UTRN: variants seen among roughly 807,000 people sequenced by gnomAD.
UTRN encodes dystrophin-related protein 1.
Under a neutral mutation model 463.9 loss-of-function variants are expected in UTRN, and 283 were observed. That is an observed-to-expected ratio of 0.61 (90% CI 0.55 to 0.67). The LOEUF (loss-of-function observed/expected upper bound fraction) is 0.67. UTRN is among the 30% of genes least tolerant of loss of function. The pLI, the probability that UTRN is intolerant of heterozygous loss-of-function variation, is 0.00. For synonymous variants in UTRN, 1,442 were observed against 1,431.5 expected (o/e 1.01, Z -0.17); for missense variants, 3,922 against 4,084.3 (o/e 0.96, Z 1.08).
intron 41 of UTRN, among the ~76,000 whole-genome samples, 187 bp from the exon 42 acceptor site, chr6:144,530,865 A>T (rs1003500502): frequency 6.6e-6 from 1 of 152,126 alleles, no homozygotes. Flanking sequence ...TATGATGCAT[A>T]TATCTCTAGG....
chr6:144,502,700 A>C (rs1352760521), intron 34 of UTRN, among the ~76,000 whole-genome samples: 1 of 152,184 alleles, frequency 6.6e-6, no homozygotes, highest in Non-Finnish European at 1.5e-5. Flanking sequence ...GCTATTGTGA[A>C]TAGTGCTGCA....
intron 53 of UTRN, among the ~76,000 whole-genome samples, chr6:144,704,514 A>G (rs1289693873): frequency 6.6e-6 from 1 of 152,184 alleles, no homozygotes; most frequent in African/African-American, 2.4e-5. Context: ...TGGGGTAAGC[A>G]TTCTTTGTAG....
intron 3 of UTRN, among the ~76,000 whole-genome samples, chr6:144,416,191 C>T (rs1461398119): frequency 6.6e-6 from 1 of 152,110 alleles, no homozygotes; most frequent in Admixed American, 6.6e-5. Context: ...AGAAATTGCT[C>T]ATCGGTCACC....
intron 25 of UTRN, among the ~76,000 whole-genome samples, chr6:144,478,700 A>C (rs1310130564): frequency 1.3e-5 from 2 of 152,128 alleles, no homozygotes; most frequent in African/African-American, 2.4e-5. Context: ...GTTACTATCC[A>C]CCTAGCAGCC....
chr6:144,524,366 A>AC (rs1306703344), intron 41 of UTRN, among the ~76,000 whole-genome samples: 1 of 151,916 alleles, frequency 6.6e-6, no homozygotes, highest in African/African-American at 2.4e-5. Flanking sequence ...TGGTTACTAT[A>AC]CCCCTGCCAA....
In UTRN at chr6:144,805,915, G is replaced by A. The variant is rs138824886; in HGVS notation, c.9357+2768G>A. 3.4e-4 allele frequency among the ~76,000 whole-genome samples: 52 copies of A among 152,174 alleles called. No individual in the cohort carries two copies. The East Asian group carries it at 9.5e-3, about 28-fold the overall frequency. On this transcript the variant is annotated intron_variant, in intron 65 of 74. Coordinates refer to ENST00000367545, the MANE Select transcript of UTRN (RefSeq NM_007124.3). ...GTAGGAGATGGAATTAAAAAGAAAGGCAACTATCAGATTGTATAGAACCCT... is the reference window on the plus strand; with the variant it reads ...GTAGGAGATGGAATTAAAAAGAAAGACAACTATCAGATTGTATAGAACCCT...
chr6:144,510,853 T>C (rs1394406716), intron 34 of UTRN, 91 bp from the exon 35 acceptor site: 7 of 1,157,850 alleles, frequency 6.0e-6, no homozygotes, highest in Middle Eastern at 3.1e-4. Flanking sequence ...ACTTTGTATA[T>C]GTGGCAGAAA....
rs1480057227 is a variant in UTRN, at chr6:144,473,788, C to G, written c.3135C>G (p.Ala1045=). ...VKDFLMKQQA[A]QGDDAGLQRQ... ...ACTTCTTAATGAAACAGCAGGCTGC[C>G]CAAGGAGACGACGCAGGTCTACAGA... Residue 1045 remains alanine, a synonymous_variant, in exon 24 of 75, where the codon GCC becomes GCG. Coordinates refer to ENST00000367545, the MANE Select transcript of UTRN (RefSeq NM_007124.3). The G allele has an allele frequency of 1.2e-6, 2 of 1,614,072 alleles. No individual in the cohort carries two copies. The highest frequency in any genetic ancestry group is 1.1e-5 in the South Asian group (1 of 91,066).
chr6:144,728,880 T>C (rs1044920978), intron 53 of UTRN, among the ~76,000 whole-genome samples: 1 of 152,202 alleles, frequency 6.6e-6, no homozygotes, highest in African/African-American at 2.4e-5. Flanking sequence ...AGCATTTTTG[T>C]CACTCCGTCT....
In UTRN at chr6:144,548,663, G is replaced by A. The variant is rs896840025; in HGVS notation, c.6619G>A (p.Val2207Met). ...AGCTCATCCTAATGTCCAAAAGGTGGTGCTAGTATCATCTGCGTCAGATAT... is the reference window on the plus strand; with the variant it reads ...AGCTCATCCTAATGTCCAAAAGGTGATGCTAGTATCATCTGCGTCAGATAT... ...IAAHPNVQKV[V>M]LVSSASDIPV... Residue 2207 changes from valine to methionine, a missense_variant, in exon 47 of 75, where the codon GTG (valine) becomes ATG (methionine). Around this residue, in one of 3 missense-constraint regions of UTRN, gnomAD observed 2,349 missense variants for 2,303.8 expected, o/e 1.02. Coordinates refer to ENST00000367545, the MANE Select transcript of UTRN (RefSeq NM_007124.3). 4 of 1,613,720 alleles carry A rather than the reference G, an allele frequency of 2.5e-6. No individual in the cohort carries two copies. The highest frequency in any genetic ancestry group is 2.7e-5 in the African/African-American group (2 of 74,886).
intron 1 of UTRN, among the ~76,000 whole-genome samples, chr6:144,290,826 G>A (rs985034707): frequency 2.1e-5 from 3 of 139,892 alleles, no homozygotes; most frequent in Non-Finnish European, 3.0e-5. Flanking sequence ...GTGCAGTGGC[G>A]TGATCTCAGC....
intron 54 of UTRN, among the ~76,000 whole-genome samples, chr6:144,733,607 C>G (rs1789026416): frequency 6.6e-6 from 1 of 151,756 alleles, no homozygotes; most frequent in African/African-American, 2.4e-5. Context: ...TCTATACTAT[C>G]TACTTCCTTG....
At chr6:144,585,164 G>A (rs1222281744) in intron 51 of UTRN, among the ~76,000 whole-genome samples, 1 of 152,104 alleles carries the variant, frequency 6.6e-6, no homozygotes, top group African/African-American at 2.4e-5. Context: ...ATAGGCACAA[G>A]TTAAGTCACT....
chr6:144,620,072 A>G (rs1775189669), intron 51 of UTRN, among the ~76,000 whole-genome samples: 1 of 152,118 alleles, frequency 6.6e-6, no homozygotes, highest in South Asian at 2.1e-4. Flanking sequence ...ATGGAGAGTT[A>G]TATATTGGAT....
rs7383749 is a variant in UTRN, at chr6:144,437,993, A to G, written c.1241+247A>G. 0.41 allele frequency among the ~76,000 whole-genome samples: 62,316 copies of G among 152,204 alleles called. 16,117 individuals are homozygous for G. The highest frequency in any genetic ancestry group is 0.72 in the African/African-American group (29,823 of 41,514). ...AACAAAAAGGAAAAAGAGGATAGGC[A>G]TGGTGGCTCATGCCTGTAATCCCAG... On this transcript the variant is annotated intron_variant, in intron 11 of 74. Transcript: ENST00000367545.
At chr6:144,470,791 G>T (rs1270238798) in intron 23 of UTRN, among the ~76,000 whole-genome samples, 5 of 151,984 alleles carry the variant, frequency 3.3e-5, no homozygotes, top group Non-Finnish European at 5.9e-5. Context: ...TCGGGAGGCC[G>T]AGGCTGGCAG....
chr6:144,773,223 A>G (rs1001107442), intron 59 of UTRN, among the ~76,000 whole-genome samples: 3 of 152,174 alleles, frequency 2.0e-5, no homozygotes, highest in Admixed American at 6.5e-5. Context: ...AGGGCAGGAA[A>G]ACCAAATCAA....
At chr6:144,684,009 A>T (rs1020077422) in intron 52 of UTRN, among the ~76,000 whole-genome samples, 5 of 151,354 alleles carry the variant, frequency 3.3e-5, no homozygotes, top group African/African-American at 1.2e-4. Context: ...TATATATAGG[A>T]CATGCTTCTA....
At chr6:144,765,974 T>G (rs1793279310) in intron 58 of UTRN, among the ~76,000 whole-genome samples, 2 of 151,940 alleles carry the variant, frequency 1.3e-5, no homozygotes, top group Admixed American at 1.3e-4. Flanking sequence ...ATTTCCTGCC[T>G]TTAAAAGCTT....
Sources: allele counts gnomAD v4.1 joint callset (sites outside exome capture counted in the v4.1 genomes callset), GRCh38; gene constraint gnomAD v4.1.1; regional missense constraint gnomAD v4.1.1; transcripts MANE v1.5; gene names NCBI Gene and HGNC (gene_info 2026-07-23, HGNC 2026-07-21).